The following AADACL4 variants were observed in gnomAD, a reference collection of about 807,000 sequenced individuals.
AADACL4 encodes arylacetamide deacetylase like 4.
In AADACL4, 9 loss-of-function variants were observed where a neutral mutation model predicts 14.1. The ratio of observed to expected loss-of-function variants is 0.64; its 90% CI spans 0.39 to 1.12. AADACL4 has a LOEUF of 1.12. Ranked by LOEUF, AADACL4 falls within the 50% of genes most tolerant of loss-of-function variation. The probability of loss-of-function intolerance (pLI) is 0.01; values close to 1 mark genes in which losing one functional copy is unlikely to be tolerated. For synonymous variants in AADACL4, 188 were observed against 201.6 expected (o/e 0.93, Z 0.57); for missense variants, 531 against 516.1 (o/e 1.03, Z -0.28).
At chr1:12,664,680 G>A (rs900845121) in intron 3 of AADACL4, among the ~76,000 whole-genome samples, 8 of 152,132 alleles carry the variant, frequency 5.3e-5, no homozygotes, top group Admixed American at 2.0e-4. Flanking sequence ...ATGATAGATT[G>A]TAAGAACAGA....
rs369455977 is a variant in AADACL4 at position 12,666,767 on chromosome 1, C to T, written c.*32C>T. The T allele has an allele frequency of 1.4e-5, 21 of 1,549,398 alleles. No individual in the cohort carries two copies. The highest frequency in any genetic ancestry group is 4.1e-5 in the African/African-American group (3 of 72,780). On this transcript the variant is annotated 3_prime_UTR_variant, in exon 4 of 4. Transcript: ENST00000376221. ...CCCTGGGGCCCCGAGGAGGAAGGGG[C>T]AAGTATGGACTCTACCAGAAACCGG...
At chr1:12,651,684 A>C (rs184575948) in intron 2 of AADACL4, among the ~76,000 whole-genome samples, 3 of 151,784 alleles carry the variant, frequency 2.0e-5, no homozygotes, top group Admixed American at 2.0e-4. Context: ...AAACCCATGT[A>C]TTTCCCTCTA....
intron 1 of AADACL4, among the ~76,000 whole-genome samples, chr1:12,645,554 C>T (rs1489137657): frequency 6.6e-6 from 1 of 152,048 alleles, no homozygotes; most frequent in Admixed American, 6.6e-5. Context: ...TTTTATTTTA[C>T]TTTTTTGAGA....
At chr1:12,644,877 T>G (rs1324070237) in intron 1 of AADACL4, among the ~76,000 whole-genome samples, 163 bp downstream of exon 1, 2 of 151,898 alleles carry the variant, frequency 1.3e-5, no homozygotes, top group African/African-American at 4.8e-5. Flanking sequence ...TGCCTCTCTC[T>G]TCCCTCCCTC....
At chr1:12,660,604 T>C (rs1449445548) in intron 2 of AADACL4, among the ~76,000 whole-genome samples, 2 of 152,144 alleles carry the variant, frequency 1.3e-5, no homozygotes, top group African/African-American at 4.8e-5. Context: ...GTCATATTCA[T>C]ACCCAGATCA....
intron 2 of AADACL4, among the ~76,000 whole-genome samples, chr1:12,655,136 A>T (rs573493231): frequency 1.3e-5 from 2 of 152,256 alleles, no homozygotes; most frequent in African/African-American, 4.8e-5. Context: ...TCATGAGTTA[A>T]TATATATACT....
rs1647245954 is a variant in AADACL4 at position 12,662,598 on chromosome 1, T to A, written c.449+744T>A. Among the ~76,000 whole-genome samples the A allele has an allele frequency of 2.0e-5, 3 of 152,162 alleles. No individual in the cohort carries two copies. In the South Asian group the frequency reaches 6.2e-4, roughly 32 times the overall value. ...GGCAGTAGGGGCTACTCACTAGGAT[T>A]CTGGTTCTTGGCTCAAGAGATCTCA... On this transcript the variant is annotated intron_variant, in intron 3 of 3. Coordinates refer to ENST00000376221, the MANE Select transcript of AADACL4 (RefSeq NM_001013630.2).
intron 1 of AADACL4, among the ~76,000 whole-genome samples, chr1:12,645,684 C>G (rs944844740): frequency 1.3e-5 from 2 of 152,014 alleles, no homozygotes; most frequent in African/African-American, 4.8e-5. Context: ...GCTGGGACTA[C>G]AGGTGCGCAC....
intron 2 of AADACL4, among the ~76,000 whole-genome samples, chr1:12,655,291 G>T (rs1570429730): frequency 6.6e-6 from 1 of 152,254 alleles, no homozygotes; most frequent in East Asian, 1.9e-4. Context: ...GAGAGTAACT[G>T]GCCCCTGAGT....
At chr1:12,646,611 G>A (rs1570424282) in intron 1 of AADACL4, among the ~76,000 whole-genome samples, 1 of 152,310 alleles carries the variant, frequency 6.6e-6, no homozygotes, top group South Asian at 2.1e-4. Flanking sequence ...TAGAGCCCCA[G>A]GATTTAAAAC....
intron 3 of AADACL4, among the ~76,000 whole-genome samples, chr1:12,663,873 A>G (rs913603109): frequency 2.0e-5 from 3 of 152,190 alleles, no homozygotes; most frequent in Non-Finnish European, 4.4e-5. Flanking sequence ...TGCTTCGATA[A>G]CATTGATAGA....
chr1:12,657,417 G>T (rs189409143), intron 2 of AADACL4, among the ~76,000 whole-genome samples: 102 of 152,274 alleles, frequency 6.7e-4, no homozygotes, highest in Middle Eastern at 3.4e-3. Flanking sequence ...TGACTGGCTC[G>T]CCACAAAGAT....
intron 3 of AADACL4, among the ~76,000 whole-genome samples, chr1:12,664,469 T>A (rs748830307): frequency 6.6e-6 from 1 of 151,894 alleles, no homozygotes; most frequent in Non-Finnish European, 1.5e-5. Context: ...TGGGTTCAAG[T>A]GACTCTCCTG....
rs1647194539 is a variant in AADACL4 at position 12,658,096 on chromosome 1, TTTCTCTCTTTCTTTCCTTCCTTCC to T, written c.386-3691_386-3668del. Among the ~76,000 whole-genome samples, 118 of 133,806 alleles carry T rather than the reference TTTCTCTCTTTCTTTCCTTCCTTCC, an allele frequency of 8.8e-4. No homozygotes were observed. The South Asian group carries it at 9.4e-3, about 11-fold the overall frequency. 87.8% of individuals were successfully genotyped at this position (133,806 alleles called of 152,430 possible). On this transcript the variant is annotated intron_variant, in intron 2 of 3. Coordinates refer to ENST00000376221, the MANE Select transcript of AADACL4 (RefSeq NM_001013630.2). ...TTCTTTCTTTCTTTCTTTCTCTTTCTTTCTCTCTTTCTTTCCTTCCTTCCTTCCTTCCTTCCTTCCTTCCTTTCT... is the reference window on the plus strand; with the variant it reads ...TTCTTTCTTTCTTTCTTTCTCTTTCTTTCCTTCCTTCCTTCCTTCCTTTCT...
chr1:12,655,384 G>A (rs967121710), intron 2 of AADACL4, among the ~76,000 whole-genome samples: 1 of 152,044 alleles, frequency 6.6e-6, no homozygotes, highest in Non-Finnish European at 1.5e-5. Context: ...TTTTGTGGGG[G>A]CTGCCAGGAA....
In AADACL4 at chr1:12,644,158, G is replaced by A. The variant is rs1383119375; in HGVS notation, c.-389G>A. On this transcript the variant is annotated 5_prime_UTR_variant, in exon 1 of 4. Transcript: ENST00000376221. ...CCACACTCTGACAAGGAAAGCTGGC[G>A]AAGTCTCTTATCTTACAGTTGAAAG... 6.6e-6 allele frequency among the ~76,000 whole-genome samples: 1 copy of A among 152,194 alleles called. No individual in the cohort carries two copies. The highest frequency in any genetic ancestry group is 2.4e-5 in the African/African-American group (1 of 41,450).
chr1:12,649,533 T>A (rs1647132305), intron 1 of AADACL4, among the ~76,000 whole-genome samples: 2 of 152,198 alleles, frequency 1.3e-5, no homozygotes, highest in Non-Finnish European at 2.9e-5. Context: ...GCAGATCAAC[T>A]CATTCTCCTC....
chr1:12,666,597 C>T lies in AADACL4; in HGVS notation c.1086C>T (p.Asp362=), dbSNP rs896328856. Residue 362 remains aspartate (D), a synonymous_variant, in exon 4 of 4, where the codon GAC becomes GAT. Coordinates refer to ENST00000376221, the MANE Select transcript of AADACL4 (RefSeq NM_001013630.2). The stretch of plus-strand genomic sequence containing the variant: ...TGCTCTATAAGAAGCGCTTGGAGGA[C>T]CAGGGGGTCCGCGTGACATGGTACC... ...DSLLYKKRLE[D]QGVRVTWYHL... 3 of 1,614,044 alleles carry T rather than the reference C, an allele frequency of 1.9e-6. No individual in the cohort carries two copies. In the African/African-American group the frequency reaches 4.0e-5, roughly 22 times the overall value.
In AADACL4 at chr1:12,662,720, G is replaced by A. The variant is rs1209872669; in HGVS notation, c.449+866G>A. On this transcript the variant is annotated intron_variant, in intron 3 of 3. Transcript: ENST00000376221. The stretch of plus-strand genomic sequence containing the variant: ...CAATGGACCTCCTCAAACCTTAGCT[G>A]CCCCTAGGCTTTGGTAGACAGAATA... Among the ~76,000 whole-genome samples, 2 of 152,174 alleles carry A rather than the reference G, an allele frequency of 1.3e-5. 1 individual carries two copies. The highest frequency in any genetic ancestry group is 4.1e-4 in the South Asian group (2 of 4,822).
Sources: gnomAD v4.1 joint callset for allele counts (sites outside exome capture counted in the v4.1 genomes callset) on GRCh38, gnomAD v4.1.1 for gene constraint, MANE v1.5 for transcripts, NCBI Gene and HGNC (gene_info 2026-07-23, HGNC 2026-07-21) for gene names.